CAMTA1: variants seen among roughly 807,000 people sequenced by gnomAD.
CAMTA1 encodes calmodulin binding transcription activator 1, also known as calmodulin-binding transcription activator 1.
A neutral mutation model predicts 170.9 loss-of-function variants in CAMTA1; 27 were observed. The observed-to-expected ratio is 0.16, with a 90% confidence interval of 0.12 to 0.22. The LOEUF (loss-of-function observed/expected upper bound fraction) is 0.22, where lower values mean the gene tolerates loss of function less well. CAMTA1 is among the 10% of genes least tolerant of loss of function. The probability of loss-of-function intolerance (pLI) is 1.00; values close to 1 mark genes in which losing one functional copy is unlikely to be tolerated. For synonymous variants in CAMTA1, 833 were observed against 891.5 expected, an observed-to-expected ratio of 0.93 and a Z score of 1.17; for missense variants, 1,619 against 2,217.2, an observed-to-expected ratio of 0.73 and a Z score of 5.42.
intron 3 of CAMTA1, among the ~76,000 whole-genome samples, chr1:6,837,579 A>G (rs1435583474): frequency 1.3e-5 from 2 of 152,190 alleles, no homozygotes; most frequent in African/African-American, 4.8e-5. Flanking sequence ...AATGTATAAA[A>G]TTAACGTCTG....
chr1:7,457,988 G>A (rs2093000096), intron 5 of CAMTA1, among the ~76,000 whole-genome samples: 1 of 152,202 alleles, frequency 6.6e-6, no homozygotes, highest in Admixed American at 6.5e-5. Context: ...TCATGATGGG[G>A]TGGGGCGCCC....
intron 3 of CAMTA1, among the ~76,000 whole-genome samples, chr1:6,880,381 G>GTGTTTTT (rs1671187854): frequency 1.8e-5 from 2 of 109,804 alleles, no homozygotes; most frequent in Non-Finnish European, 3.8e-5. Context: ...GCCTCTAAAA[G>GTGTTTTT]TGTTTTTTTT....
chr1:7,512,832 G>A (rs1033546976), intron 6 of CAMTA1, among the ~76,000 whole-genome samples: 4 of 152,204 alleles, frequency 2.6e-5, no homozygotes, highest in African/African-American at 9.6e-5. Context: ...GAGGGAGGGA[G>A]CCAGGAGAAG....
chr1:7,692,278 C>T (rs745523436), intron 11 of CAMTA1, among the ~76,000 whole-genome samples: 10 of 152,276 alleles, frequency 6.6e-5, no homozygotes, highest in Middle Eastern at 3.4e-3. Context: ...TAAAGGGCCA[C>T]CTGGTGAGAA....
intron 5 of CAMTA1, among the ~76,000 whole-genome samples, chr1:7,367,500 A>G (rs2086066028): frequency 6.6e-6 from 1 of 152,240 alleles, no homozygotes; most frequent in African/African-American, 2.4e-5. Context: ...TGCAGCTGAC[A>G]CTGGCTCTTG....
intron 6 of CAMTA1, among the ~76,000 whole-genome samples, chr1:7,550,015 G>A (rs1191043000): frequency 6.6e-6 from 1 of 152,084 alleles, no homozygotes; most frequent in African/African-American, 2.4e-5. Context: ...AGGGAAGGAA[G>A]GAGGAGGAGG....
chr1:7,404,365 G>T (rs72853182), intron 5 of CAMTA1, among the ~76,000 whole-genome samples: 2,625 of 152,276 alleles, frequency 0.017, 72 homozygotes, highest in African/African-American at 0.059. Context: ...ACCCTATTCC[G>T]TACAATTCTA....
rs1332631356 is a variant in CAMTA1, at chr1:7,579,533, CTTTCT to C, written c.511-60848_511-60844del. Among the ~76,000 whole-genome samples, 69 of 129,762 alleles carry C rather than the reference CTTTCT, an allele frequency of 5.3e-4. 1 individual carries two copies. The highest frequency in any genetic ancestry group is 1.6e-3 in the African/African-American group (52 of 31,868). 85.1% of individuals were successfully genotyped at this position (129,762 alleles called of 152,430 possible). A position where few individuals can be genotyped will look rare whatever the true frequency, so the allele number is the denominator to read the frequency against. ...CCATTTGGTTTTGCTCTAAGGTCCA[CTTTCT>C]TTTCTTTTCTTTTCTTTTTTTTTTT... On this transcript the variant is annotated intron_variant, in intron 6 of 22. Transcript: ENST00000303635.
intron 6 of CAMTA1, among the ~76,000 whole-genome samples, chr1:7,476,358 C>T (rs757242270): frequency 5.3e-5 from 8 of 152,244 alleles, no homozygotes; most frequent in South Asian, 2.1e-4. Flanking sequence ...CTGGTCAAGA[C>T]GGTGGATCCA....
chr1:7,637,733 C>G (rs2148910687), intron 6 of CAMTA1, among the ~76,000 whole-genome samples: 1 of 152,352 alleles, frequency 6.6e-6, no homozygotes, highest in East Asian at 1.9e-4. Flanking sequence ...TAGCTTTGGG[C>G]AATCACAACT....
chr1:6,871,127 A>T (rs1274784989), intron 3 of CAMTA1, among the ~76,000 whole-genome samples: 1 of 151,990 alleles, frequency 6.6e-6, no homozygotes, highest in Non-Finnish European at 1.5e-5. Flanking sequence ...AAAACAAAAA[A>T]CCCTTGTAGA....
intron 1 of CAMTA1, among the ~76,000 whole-genome samples, chr1:6,798,757 C>T (rs550224739): frequency 0.027 from 2,940 of 109,380 alleles, 7 homozygotes; most frequent in East Asian, 0.04. Flanking sequence ...CCACCGCGCC[C>T]GGCTAATTTT....
chr1:7,075,122 A>G (rs1639123733), intron 3 of CAMTA1, among the ~76,000 whole-genome samples: 1 of 152,180 alleles, frequency 6.6e-6, no homozygotes, highest in East Asian at 1.9e-4. Context: ...CTTGATTTAC[A>G]TCTTGTGTTC....
chr1:7,450,790 C>A (rs2092804514), intron 5 of CAMTA1, among the ~76,000 whole-genome samples: 1 of 152,204 alleles, frequency 6.6e-6, no homozygotes, highest in African/African-American at 2.4e-5. Context: ...CTTTCTGGAG[C>A]CCGCGGACCC....
intron 5 of CAMTA1, among the ~76,000 whole-genome samples, chr1:7,437,803 A>G (rs769873942): frequency 2.0e-5 from 3 of 152,008 alleles, no homozygotes; most frequent in Admixed American, 6.5e-5. Flanking sequence ...AGGCGCATTC[A>G]CTCATTCAGC....
chr1:6,960,560 C>T (rs1224972773), intron 3 of CAMTA1, among the ~76,000 whole-genome samples: 2 of 152,182 alleles, frequency 1.3e-5, no homozygotes, highest in Non-Finnish European at 2.9e-5. Context: ...AAGACTCCCC[C>T]ACCGCCTGAA....
intron 6 of CAMTA1, among the ~76,000 whole-genome samples, chr1:7,575,390 G>A (rs146736757): frequency 1.3e-4 from 20 of 152,262 alleles, no homozygotes; most frequent in Admixed American, 3.3e-4. Context: ...TGGGTCAGAC[G>A]TCCTCCCAGA....
chr1:7,558,999 G>A (rs1490683723), intron 6 of CAMTA1, among the ~76,000 whole-genome samples: 1 of 152,226 alleles, frequency 6.6e-6, no homozygotes, highest in Non-Finnish European at 1.5e-5. Context: ...GAAGGCCAGG[G>A]TCACTTTGGG....
At position 7,056,555 on chromosome 1, in the gene CAMTA1, GATGGATGAATTTA is replaced by G. The variant is rs562511401; in HGVS notation, c.235-34747_235-34735del. Among the ~76,000 whole-genome samples the G allele has an allele frequency of 7.9e-5, 12 of 152,312 alleles. No individual in the cohort carries two copies. The South Asian group carries it at 2.5e-3, about 32-fold the overall frequency. ...AGAATGCCAGCTGTGAGGATTCATTGATGGATGAATTTAACCCATGTTTATGGAGTGTCATGTC... is the reference window on the plus strand; with the variant it reads ...AGAATGCCAGCTGTGAGGATTCATTGACCCATGTTTATGGAGTGTCATGTC... On this transcript the variant is annotated intron_variant, in intron 3 of 22. Coordinates refer to ENST00000303635, the MANE Select transcript of CAMTA1 (RefSeq NM_015215.4).
Sources: gnomAD v4.1 joint callset for allele counts (sites outside exome capture counted in the v4.1 genomes callset) on GRCh38, gnomAD v4.1.1 for gene constraint, MANE v1.5 for transcripts, NCBI Gene and HGNC (gene_info 2026-07-23, HGNC 2026-07-21) for gene names.